HTR7: variants seen among roughly 807,000 people sequenced by gnomAD.
HTR7 encodes the protein 5-hydroxytryptamine receptor 7.
In HTR7, 16 loss-of-function variants were observed where a neutral mutation model predicts 34.0. That is an observed-to-expected ratio of 0.47 (90% CI 0.32 to 0.71). The LOEUF is 0.71. Ranked by LOEUF, HTR7 falls within the 30% of genes least tolerant of loss-of-function variation. The probability of loss-of-function intolerance (pLI) is 0.04; values close to 1 mark genes in which losing one functional copy is unlikely to be tolerated. For synonymous variants in HTR7, 265 were observed against 260.2 expected, an observed-to-expected ratio of 1.02 and a Z score of -0.18; for missense variants, 504 against 625.5, an observed-to-expected ratio of 0.81 and a Z score of 2.07.
chr10:90,823,539 G>C (rs188179289), intron 1 of HTR7, among the ~76,000 whole-genome samples: 10 of 152,326 alleles, frequency 6.6e-5, no homozygotes, highest in East Asian at 1.9e-4. Context: ...GACTTGCCTT[G>C]TTTCACATGA....
intron 1 of HTR7, among the ~76,000 whole-genome samples, chr10:90,840,177 T>TCTCACACACACACA (rs1478516123): frequency 1.8e-4 from 24 of 136,884 alleles, no homozygotes; most frequent in Middle Eastern, 3.6e-3. Flanking sequence ...TCTCTCTCTC[T>TCTCACACACACACA]CACACACACA....
In HTR7 at chr10:90,857,212, A is replaced by G; in HGVS notation, c.460T>C (p.Phe154Leu). The change falls in exon 1 of 4, where the codon TTC (phenylalanine) becomes CTC (leucine). Residue 154 changes from phenylalanine to leucine, a missense_variant. Physicochemically the swap from Phe to Leu is conservative, Grantham distance 22. This residue lies in a region of HTR7 where 154 missense variants were observed against 248.8 expected (regional missense o/e 0.62). Coordinates refer to ENST00000336152, the MANE Select transcript of HTR7 (RefSeq NM_019859.4). This position sits in a 1 kb window ranked among gnomAD's most constrained non-coding sequence, Gnocchi z 6.5. ...IGGKWIFGHF[F>L]CNVFIAMDVM... ...TCCATGGCGATGAAGACATTACAGA[A>G]AAAGTGTCCAAAGATCCACTTGCCC... The G allele has an allele frequency of 6.2e-7, 1 of 1,614,082 alleles. No homozygotes were observed. The highest frequency in any genetic ancestry group is 8.5e-7 in the Non-Finnish European group (1 of 1,180,004).
At chr10:90,811,395 C>T (rs1052417459) in intron 1 of HTR7, among the ~76,000 whole-genome samples, 5 of 152,052 alleles carry the variant, frequency 3.3e-5, no homozygotes, top group African/African-American at 9.7e-5. Context: ...ACTTTCTGCT[C>T]CCCAGCTCCT....
chr10:90,800,393 C>T (rs927659973), intron 1 of HTR7, among the ~76,000 whole-genome samples: 5 of 152,072 alleles, frequency 3.3e-5, no homozygotes, highest in African/African-American at 1.2e-4. Context: ...CTAGAGAAAC[C>T]TTGGAAGCTG....
rs543865542 is a variant in HTR7, at chr10:90,741,771, C to T, written c.*711G>A. On this transcript the variant is annotated 3_prime_UTR_variant, in exon 4 of 4. Coordinates refer to ENST00000336152, the MANE Select transcript of HTR7 (RefSeq NM_019859.4). Reference sequence around the variant, plus strand: ...AAATCCTCACAGAAGGCATCCCACTCCCCTCTCAAGACCCTTCAGAGCACG... The same window carrying T: ...AAATCCTCACAGAAGGCATCCCACTTCCCTCTCAAGACCCTTCAGAGCACG... 3.3e-5 allele frequency: 5 copies of T among 152,828 alleles called. No homozygotes were observed. In the East Asian group the frequency reaches 7.7e-4, roughly 24 times the overall value. The allele number at this position is 152,828 out of a possible 1,614,324, so 9.5% of individuals were successfully genotyped here.
intron 1 of HTR7, among the ~76,000 whole-genome samples, chr10:90,768,651 C>T (rs1351013562): frequency 6.6e-6 from 1 of 152,190 alleles, no homozygotes; most frequent in East Asian, 1.9e-4. Context: ...AGAGCTCCCT[C>T]ATGCTTTTTT....
chr10:90,856,168 A>T (rs530174306), intron 1 of HTR7, among the ~76,000 whole-genome samples: 34 of 152,358 alleles, frequency 2.2e-4, no homozygotes, highest in Admixed American at 2.2e-3. Context: ...GTATCATTAA[A>T]CACAACAGGA....
At chr10:90,826,414 C>T (rs779386756) in intron 1 of HTR7, among the ~76,000 whole-genome samples, 28 of 152,212 alleles carry the variant, frequency 1.8e-4, no homozygotes, top group African/African-American at 6.7e-4. Flanking sequence ...AGGTATAAAA[C>T]TCACTGATAA....
intron 1 of HTR7, among the ~76,000 whole-genome samples, chr10:90,837,640 C>T (rs955080690): frequency 6.6e-6 from 1 of 152,198 alleles, no homozygotes; most frequent in Admixed American, 6.5e-5. Flanking sequence ...CATAAGCTAC[C>T]CAATCTGTGG....
At chr10:90,823,417 T>C (rs1263861939) in intron 1 of HTR7, among the ~76,000 whole-genome samples, 3 of 152,252 alleles carry the variant, frequency 2.0e-5, no homozygotes, top group Admixed American at 2.0e-4. Context: ...AGCCTATTTG[T>C]TTCGGCTGAT....
At chr10:90,801,013 T>A (rs768281840) in intron 1 of HTR7, among the ~76,000 whole-genome samples, 5 of 152,196 alleles carry the variant, frequency 3.3e-5, no homozygotes. Context: ...ATTGTGCACA[T>A]CACCAATGCT....
At chr10:90,773,525 C>T (rs4471341) in intron 1 of HTR7, among the ~76,000 whole-genome samples, 1 of 151,898 alleles carries the variant, frequency 6.6e-6, no homozygotes, top group Non-Finnish European at 1.5e-5. Flanking sequence ...ATTGACTATA[C>T]TCACCCTGTT....
chr10:90,828,923 T>TA (rs1564696288), intron 1 of HTR7, among the ~76,000 whole-genome samples: 9 of 148,504 alleles, frequency 6.1e-5, no homozygotes, highest in Non-Finnish European at 1.2e-4. Flanking sequence ...GGTTGAAAAT[T>TA]TAAAAAAAAG....
intron 1 of HTR7, among the ~76,000 whole-genome samples, chr10:90,774,408 C>T (rs534028072): frequency 2.0e-4 from 30 of 152,240 alleles, no homozygotes; most frequent in Non-Finnish European, 2.9e-4. Flanking sequence ...GTGTTAATTA[C>T]GTCACCAGCT....
intron 1 of HTR7, among the ~76,000 whole-genome samples, chr10:90,785,482 T>C (rs1248311458): frequency 6.6e-6 from 1 of 152,102 alleles, no homozygotes; most frequent in Non-Finnish European, 1.5e-5. Flanking sequence ...CTTTGATACC[T>C]TCGTAATGTC....
chr10:90,824,382 T>C (rs1340328694), intron 1 of HTR7, among the ~76,000 whole-genome samples: 8 of 152,238 alleles, frequency 5.3e-5, no homozygotes. Context: ...ATCTAGGTAG[T>C]ACACACTGTG....
intron 1 of HTR7, among the ~76,000 whole-genome samples, chr10:90,846,342 T>C (rs1462116478): frequency 6.6e-6 from 1 of 152,206 alleles, no homozygotes; most frequent in African/African-American, 2.4e-5. Context: ...ATTCTAATCT[T>C]GGAGCATTTT....
chr10:90,833,448 C>T (rs551434692), intron 1 of HTR7, among the ~76,000 whole-genome samples: 1 of 152,146 alleles, frequency 6.6e-6, no homozygotes, highest in Non-Finnish European at 1.5e-5. Context: ...ATTATCTAAG[C>T]CTTTCCTTAT....
intron 1 of HTR7, among the ~76,000 whole-genome samples, chr10:90,840,125 C>CCTCTCCATCTCTCCATCTGTCTGT (rs1846304970): frequency 6.6e-6 from 1 of 151,036 alleles, no homozygotes; most frequent in African/African-American, 2.4e-5. Context: ...TTTCCTCTCT[C>CCTCTCCATCTCTCCATCTGTCTGT]CTCTCCATCT....
Sources: gnomAD v4.1 joint callset for allele counts (sites outside exome capture counted in the v4.1 genomes callset) on GRCh38, gnomAD v4.1.1 for gene constraint, gnomAD v4.1.1 regional missense constraint, Gnocchi (gnomAD v3.1) non-coding constraint, MANE v1.5 for transcripts, NCBI Gene and HGNC (gene_info 2026-07-23, HGNC 2026-07-21) for gene names.